SPAG17: variants seen among roughly 807,000 people sequenced by gnomAD.
The protein encoded by SPAG17 is sperm-associated antigen 17.
In SPAG17, 169 loss-of-function variants were observed where a neutral mutation model predicts 273.6. The observed-to-expected ratio is 0.62, with a 90% CI of 0.55 to 0.70. The LOEUF is 0.70. Among genes scored for constraint, SPAG17 ranks in the 30% least tolerant of loss-of-function variants. The probability of loss-of-function intolerance (pLI) is 0.00; values close to 1 mark genes in which losing one functional copy is unlikely to be tolerated. For missense variants in SPAG17, 2,557 were observed against 2,627.8 expected (o/e 0.97, Z 0.59); for synonymous variants, 825 against 873.2 (o/e 0.94, Z 0.97).
chr1:118,181,293 A>T (rs982990468), intron 1 of SPAG17, among the ~76,000 whole-genome samples: 2 of 152,088 alleles, frequency 1.3e-5, no homozygotes, highest in Non-Finnish European at 2.9e-5. Context: ...ACCAGTAATT[A>T]CTTTAAATGT....
chr1:118,038,072 C>A lies in SPAG17; in HGVS notation c.3320-1189G>T, dbSNP rs1051860012. Among the ~76,000 whole-genome samples the A allele has an allele frequency of 2.6e-5, 4 of 152,196 alleles. No homozygotes were observed. In the South Asian group the frequency reaches 8.3e-4, roughly 32 times the overall value. On this transcript the variant is annotated intron_variant, in intron 23 of 48. Transcript: ENST00000336338. ...TATTACTCAAAATGTATGAAGAATTCTTAAAGCTCAATAACCAGAAAATAA... is the reference window on the plus strand; with the variant it reads ...TATTACTCAAAATGTATGAAGAATTATTAAAGCTCAATAACCAGAAAATAA...
chr1:118,118,658 G>T (rs1042185373), intron 3 of SPAG17, among the ~76,000 whole-genome samples: 1 of 152,328 alleles, frequency 6.6e-6, no homozygotes, highest in East Asian at 1.9e-4. Flanking sequence ...AGGCCTGCCA[G>T]GACCGGAGAG....
In SPAG17 at chr1:118,005,284, A is replaced by G. The variant is rs539297049; in HGVS notation, c.4776+130T>C. 2.8e-5 allele frequency: 19 copies of G among 683,524 alleles called. No individual in the cohort carries two copies. In the East Asian group the frequency reaches 5.2e-4, roughly 19 times the overall value. The allele number at this position is 683,524 out of a possible 1,614,324, so 42.3% of individuals were successfully genotyped here. A position where few individuals can be genotyped will look rare whatever the true frequency, so the allele number is the denominator to read the frequency against. ...ATTGACATTCATTACTGCTTGCCCA[A>G]AGTATTGGCAGTAAGTGGATAATTA... On this transcript the variant is annotated intron_variant, in intron 32 of 48. Transcript: ENST00000336338.
intron 30 of SPAG17, among the ~76,000 whole-genome samples, chr1:118,009,726 C>T (rs576704505): frequency 4.6e-4 from 70 of 152,100 alleles, no homozygotes; most frequent in Non-Finnish European, 7.6e-4. Context: ...GAGCTGTTAT[C>T]ACTCCCATCT....
intron 18 of SPAG17, among the ~76,000 whole-genome samples, 161 bp from the exon 19 acceptor site, chr1:118,056,075 A>C (rs1651640149): frequency 1.3e-5 from 2 of 152,230 alleles, no homozygotes; most frequent in African/African-American, 4.8e-5. Context: ...ACAAATATCC[A>C]GTGAACATAT....
chr1:118,005,669 C>T lies in SPAG17; in HGVS notation c.4588-67G>A, dbSNP rs1658804492. 2.6e-6 allele frequency: 3 copies of T among 1,172,418 alleles called. No individual in the cohort carries two copies. In the East Asian group the frequency reaches 8.8e-5, roughly 34 times the overall value. 72.6% of individuals were successfully genotyped at this position (1,172,418 alleles called of 1,614,324 possible). A position where few individuals can be genotyped will look rare whatever the true frequency, so the allele number is the denominator to read the frequency against. ...TGTTAAATATGTGGGACTTGGAAAACCATTTTAGGAGAAAGAATACCCATA... is the reference window on the plus strand; with the variant it reads ...TGTTAAATATGTGGGACTTGGAAAATCATTTTAGGAGAAAGAATACCCATA... On this transcript the variant is annotated intron_variant, in intron 31 of 48. Coordinates refer to ENST00000336338, the MANE Select transcript of SPAG17 (RefSeq NM_206996.4).
intron 46 of SPAG17, 53 bp from the exon 47 acceptor site, chr1:117,966,806 C>A (rs1653912214): frequency 6.1e-6 from 9 of 1,476,206 alleles, no homozygotes; most frequent in Non-Finnish European, 7.3e-6. Context: ...TCAAACCTTG[C>A]TTTTAATAAT....
chr1:118,173,686 C>A (rs1660520165), intron 1 of SPAG17, among the ~76,000 whole-genome samples: 2 of 151,868 alleles, frequency 1.3e-5, no homozygotes, highest in Non-Finnish European at 2.9e-5. Flanking sequence ...TTAAAATAAA[C>A]CCCATTTCTA....
At chr1:117,959,225 C>CT (rs1652671576) in intron 48 of SPAG17, 2 of 1,551,780 alleles carry the variant, frequency 1.3e-6, no homozygotes, top group East Asian at 4.5e-5. Context: ...TACCCTAACT[C>CT]TCATACGCTG....
At chr1:117,959,079 C>T in intron 48 of SPAG17, 2 of 1,461,872 alleles carry the variant, frequency 1.4e-6, no homozygotes, top group Non-Finnish European at 1.9e-6. Context: ...GTATGCTGTG[C>T]TTTGTCTTTA....
chr1:117,972,059 GA>G lies in SPAG17; in HGVS notation c.6142-13del, dbSNP rs752367718. Reference sequence around the variant, plus strand: ...ACAGAATCTTGCACCTTTGCATTAAGAAAAAATTAATAAAATGGTTCTATTT... The same window carrying G: ...ACAGAATCTTGCACCTTTGCATTAAGAAAAATTAATAAAATGGTTCTATTT... On this transcript the variant is annotated splice_polypyrimidine_tract_variant and intron_variant, in intron 44 of 48. Transcript: ENST00000336338. The G allele has an allele frequency of 1.3e-6, 2 of 1,544,506 alleles. No individual in the cohort carries two copies. Among genetic ancestry groups the G allele is most frequent in the Non-Finnish European group, 1.7e-6 (2 of 1,144,730 alleles).
At position 118,066,567 on chromosome 1, in the gene SPAG17, C is replaced by T. The variant is rs533222703; in HGVS notation, c.2540+178G>A. On this transcript the variant is annotated intron_variant, in intron 18 of 48. Coordinates refer to ENST00000336338, the MANE Select transcript of SPAG17 (RefSeq NM_206996.4). ...GTATAGCTCCAATGCCCATACAGTGCCCAGCACATGCTGACATTCAATTTA... is the reference window on the plus strand; with the variant it reads ...GTATAGCTCCAATGCCCATACAGTGTCCAGCACATGCTGACATTCAATTTA... Among the ~76,000 whole-genome samples the T allele has an allele frequency of 4.6e-5, 7 of 152,248 alleles. No homozygotes were observed. In the South Asian group the frequency reaches 6.2e-4, roughly 14 times the overall value.
chr1:118,034,180 T>G (rs1387121151), intron 24 of SPAG17, among the ~76,000 whole-genome samples: 1 of 152,204 alleles, frequency 6.6e-6, no homozygotes, highest in Non-Finnish European at 1.5e-5. Context: ...TACCATGAAA[T>G]GGATAGCCAA....
At position 118,068,827 on chromosome 1, in the gene SPAG17, C is replaced by G. The variant is rs1653260226; in HGVS notation, c.2386-1928G>C. 2.0e-5 allele frequency among the ~76,000 whole-genome samples: 3 copies of G among 152,102 alleles called. No homozygotes were observed. In the East Asian group the frequency reaches 5.8e-4, roughly 29 times the overall value. On this transcript the variant is annotated intron_variant, in intron 17 of 48. Transcript: ENST00000336338. ...AGAGACGGGACCTTGCTATGTTGCCCAGGCTGGCCCCTAAAGCTTAGCCTC... is the reference window on the plus strand; with the variant it reads ...AGAGACGGGACCTTGCTATGTTGCCGAGGCTGGCCCCTAAAGCTTAGCCTC...
At chr1:118,053,809 G>A (rs948718951) in intron 20 of SPAG17, among the ~76,000 whole-genome samples, 193 bp downstream of exon 20, 2 of 151,666 alleles carry the variant, frequency 1.3e-5, no homozygotes, top group East Asian at 1.9e-4. Context: ...ACACAAAAAC[G>A]CACAAATAGC....
chr1:118,050,715 C>G (rs1271471127), intron 20 of SPAG17, among the ~76,000 whole-genome samples: 1 of 152,156 alleles, frequency 6.6e-6, no homozygotes, highest in Non-Finnish European at 1.5e-5. Context: ...AAATTAGACT[C>G]TAATGTGCAT....
At chr1:118,092,029 C>G (rs1558007023) in intron 8 of SPAG17, 27 bp from the exon 9 acceptor site, 2 of 1,596,724 alleles carry the variant, frequency 1.3e-6, no homozygotes, top group Admixed American at 3.3e-5. Flanking sequence ...TAAAAAGAAA[C>G]AACTGAGATA....
chr1:118,171,266 G>T (rs1660405327), intron 1 of SPAG17, among the ~76,000 whole-genome samples: 1 of 152,154 alleles, frequency 6.6e-6, no homozygotes, highest in East Asian at 1.9e-4. Flanking sequence ...TACTGTTAAG[G>T]AGGAAGAATG....
intron 3 of SPAG17, among the ~76,000 whole-genome samples, chr1:118,150,152 TG>T (rs1659292638): frequency 1.3e-5 from 2 of 152,232 alleles, no homozygotes; most frequent in Non-Finnish European, 2.9e-5. Flanking sequence ...ATTTTTACAT[TG>T]TTTTTTTCGA....
Sources: gnomAD v4.1 joint callset for allele counts (sites outside exome capture counted in the v4.1 genomes callset) on GRCh38, gnomAD v4.1.1 for gene constraint, MANE v1.5 for transcripts, NCBI Gene and HGNC (gene_info 2026-07-23, HGNC 2026-07-21) for gene names.